The following FBXL17 variants were observed in gnomAD, a reference collection of about 807,000 sequenced individuals.
FBXL17 encodes the protein F-box and leucine rich repeat protein 17, also known as F-box/LRR-repeat protein 17.
Under a neutral mutation model 66.2 loss-of-function variants are expected in FBXL17, and 22 were observed. The ratio of observed to expected loss-of-function variants is 0.33; its 90% CI spans 0.24 to 0.47. The LOEUF (loss-of-function observed/expected upper bound fraction) is 0.47, where lower values mean the gene tolerates loss of function less well. FBXL17 is among the 20% of genes least tolerant of loss of function. The pLI, the probability that FBXL17 is intolerant of heterozygous loss-of-function variation, is 1.00. For synonymous variants in FBXL17, 474 were observed against 400.5 expected (o/e 1.18, Z -2.19); for missense variants, 878 against 948.2 (o/e 0.93, Z 0.97).
chr5:108,277,133 T>C (rs556326072), intron 4 of FBXL17, among the ~76,000 whole-genome samples: 1 of 152,238 alleles, frequency 6.6e-6, no homozygotes, highest in Non-Finnish European at 1.5e-5. Flanking sequence ...CTCTTTTATA[T>C]AGAGTTATGT....
chr5:108,259,164 T>C (rs1244369161), intron 4 of FBXL17, among the ~76,000 whole-genome samples: 1 of 152,098 alleles, frequency 6.6e-6, no homozygotes, highest in Non-Finnish European at 1.5e-5. Flanking sequence ...TTTCAAGCTA[T>C]GAGAATCAGG....
intron 5 of FBXL17, among the ~76,000 whole-genome samples, chr5:108,213,392 A>G (rs1455448178): frequency 6.6e-6 from 1 of 152,156 alleles, no homozygotes; most frequent in Non-Finnish European, 1.5e-5. Flanking sequence ...ATGGCCGCCC[A>G]GTTTTGTGCT....
intron 8 of FBXL17, among the ~76,000 whole-genome samples, chr5:107,865,821 T>A (rs915553629): frequency 6.6e-6 from 1 of 152,194 alleles, no homozygotes; most frequent in Non-Finnish European, 1.5e-5. Context: ...GTGACAAATA[T>A]TATACTACAG....
chr5:108,272,097 T>G (rs1459440974), intron 4 of FBXL17, among the ~76,000 whole-genome samples: 3 of 152,108 alleles, frequency 2.0e-5, no homozygotes, highest in Non-Finnish European at 4.4e-5. Flanking sequence ...GAGACCATCC[T>G]GGCTAACACG....
At chr5:107,871,992 T>TAATCAGC (rs1748471950) in intron 8 of FBXL17, among the ~76,000 whole-genome samples, 1 of 152,202 alleles carries the variant, frequency 6.6e-6, no homozygotes, top group Admixed American at 6.5e-5. Context: ...AAGGTAGTGG[T>TAATCAGC]AATCAGCAAG....
chr5:108,291,133 T>C (rs183390164), intron 4 of FBXL17, among the ~76,000 whole-genome samples: 5 of 152,298 alleles, frequency 3.3e-5, no homozygotes, highest in Admixed American at 2.0e-4. Context: ...ATTGGACTAG[T>C]TCCATTTCTG....
intron 6 of FBXL17, among the ~76,000 whole-genome samples, chr5:108,061,603 G>A (rs1023751016): frequency 9.2e-5 from 14 of 152,112 alleles, no homozygotes; most frequent in African/African-American, 2.7e-4. Context: ...AGTATTAAAC[G>A]AATAGTCAGG....
intron 7 of FBXL17, among the ~76,000 whole-genome samples, chr5:107,920,350 G>A (rs546260418): frequency 4.7e-4 from 71 of 152,242 alleles, no homozygotes; most frequent in African/African-American, 1.1e-3. Context: ...GATTAAAGGC[G>A]TCTGCCACCA....
At chr5:108,277,753 C>A (rs1757541337) in intron 4 of FBXL17, among the ~76,000 whole-genome samples, 1 of 152,148 alleles carries the variant, frequency 6.6e-6, no homozygotes. Context: ...CAGTTCCAGA[C>A]CACCACAATA....
intron 7 of FBXL17, among the ~76,000 whole-genome samples, chr5:107,954,727 G>A (rs1377808370): frequency 2.6e-5 from 4 of 152,154 alleles, no homozygotes; most frequent in African/African-American, 9.7e-5. Context: ...TGGAAAGAAA[G>A]TGGTTTTGAT....
intron 7 of FBXL17, among the ~76,000 whole-genome samples, chr5:107,905,230 TA>T (rs1417927017): frequency 6.6e-6 from 1 of 151,896 alleles, no homozygotes; most frequent in African/African-American, 2.4e-5. Flanking sequence ...TATATATACA[TA>T]AAAACAGTTT....
In FBXL17 at chr5:108,336,772, T is replaced by A. The variant is rs114657199; in HGVS notation, c.1506+11627A>T. On this transcript the variant is annotated intron_variant, in intron 4 of 8. Transcript: ENST00000542267. ...AACTATCATTGCCATTCTTCTTGTATGAATGTTAATGAAAAATCACTTGAT... is the reference window on the plus strand; with the variant it reads ...AACTATCATTGCCATTCTTCTTGTAAGAATGTTAATGAAAAATCACTTGAT... Among the ~76,000 whole-genome samples, 1,040 of 152,268 alleles carry A rather than the reference T, an allele frequency of 6.8e-3. 17 individuals carry two copies. Among genetic ancestry groups the A allele is most frequent in the African/African-American group, 0.024 (982 of 41,574 alleles).
At chr5:108,066,542 A>G (rs1315689202) in intron 6 of FBXL17, among the ~76,000 whole-genome samples, 1 of 151,968 alleles carries the variant, frequency 6.6e-6, no homozygotes, top group Non-Finnish European at 1.5e-5. Context: ...TTTATTAACT[A>G]TTTGTGAATT....
chr5:108,377,791 T>C (rs2112650751), intron 1 of FBXL17, among the ~76,000 whole-genome samples: 1 of 152,304 alleles, frequency 6.6e-6, no homozygotes, highest in South Asian at 2.1e-4. Flanking sequence ...AATGAGAAAA[T>C]AAAAACTTAG....
At chr5:108,280,948 A>T (rs537757291) in intron 4 of FBXL17, among the ~76,000 whole-genome samples, 47 of 151,852 alleles carry the variant, frequency 3.1e-4, no homozygotes, top group Admixed American at 7.9e-4. Context: ...ATAATAAAGG[A>T]ATCAATTCAG....
chr5:108,204,396 G>C (rs1754025484), intron 5 of FBXL17, among the ~76,000 whole-genome samples: 1 of 151,900 alleles, frequency 6.6e-6, no homozygotes, highest in Non-Finnish European at 1.5e-5. Flanking sequence ...TAATAGCCCA[G>C]GCTGGTCTTG....
intron 6 of FBXL17, among the ~76,000 whole-genome samples, chr5:108,044,987 C>T (rs917329749): frequency 1.3e-5 from 2 of 152,046 alleles, no homozygotes; most frequent in South Asian, 4.1e-4. Flanking sequence ...AGTAATATCT[C>T]GTTTCATTCC....
chr5:108,339,755 T>C (rs1310786779), intron 4 of FBXL17, among the ~76,000 whole-genome samples: 1 of 152,132 alleles, frequency 6.6e-6, no homozygotes, highest in Non-Finnish European at 1.5e-5. Context: ...ATTTGGAATT[T>C]CCTATTTTTA....
At chr5:108,068,013 T>C (rs900350636) in intron 6 of FBXL17, among the ~76,000 whole-genome samples, 1 of 152,178 alleles carries the variant, frequency 6.6e-6, no homozygotes, top group Non-Finnish European at 1.5e-5. Context: ...GCTTGGACAT[T>C]TATTGACAGT....
Sources: gnomAD v4.1 joint callset for allele counts (sites outside exome capture counted in the v4.1 genomes callset) on GRCh38, gnomAD v4.1.1 for gene constraint, MANE v1.5 for transcripts, NCBI Gene and HGNC (gene_info 2026-07-23, HGNC 2026-07-21) for gene names.